Variants in SYT16 observed in about 807,000 individuals in gnomAD.
SYT16 encodes synaptotagmin 16, also known as synaptotagmin-16.
Under a neutral mutation model 61.4 loss-of-function variants are expected in SYT16, and 42 were observed. The ratio of observed to expected loss-of-function variants is 0.68; its 90% CI spans 0.53 to 0.89. The LOEUF (loss-of-function observed/expected upper bound fraction) is 0.89. SYT16 is among the 40% of genes least tolerant of loss of function. The pLI is 0.00. For synonymous variants in SYT16, 314 were observed against 302.3 expected (o/e 1.04, Z -0.40); for missense variants, 804 against 807.3 (o/e 1.00, Z 0.05).
At chr14:62,045,725 A>G (rs2054949246) in intron 3 of SYT16, among the ~76,000 whole-genome samples, 2 of 152,044 alleles carry the variant, frequency 1.3e-5, no homozygotes, top group Admixed American at 6.6e-5. Context: ...TCCTTGCAAT[A>G]GTTTGCTGAG....
At position 61,947,073 on chromosome 14, in the gene SYT16, G is replaced by T. The variant is rs976792264; in HGVS notation, c.-324-23059G>T. ...TTTGGTGAGTTGTTGGAGGTTCTTGGTTGGGAGGAGAGTACTACTGCTGCA... is the reference window on the plus strand; with the variant it reads ...TTTGGTGAGTTGTTGGAGGTTCTTGTTTGGGAGGAGAGTACTACTGCTGCA... On this transcript the variant is annotated intron_variant, in intron 1 of 7. Coordinates refer to ENST00000683842, the MANE Select transcript of SYT16 (RefSeq NM_001367656.1). Among the ~76,000 whole-genome samples the T allele has an allele frequency of 3.9e-5, 6 of 152,174 alleles. No homozygotes were observed. In the East Asian group the frequency reaches 9.7e-4, roughly 25 times the overall value.
intron 3 of SYT16, among the ~76,000 whole-genome samples, chr14:62,062,554 AC>A (rs577003212): frequency 4.6e-5 from 7 of 152,234 alleles, no homozygotes; most frequent in Non-Finnish European, 1.0e-4. Flanking sequence ...AAAAATCAAG[AC>A]TGGGTAATTT....
intron 4 of SYT16, among the ~76,000 whole-genome samples, chr14:62,071,502 GA>G (rs2056299411): frequency 6.6e-6 from 1 of 152,162 alleles, no homozygotes; most frequent in East Asian, 1.9e-4. Context: ...CTACTACATT[GA>G]ATGAAGTACC....
intron 1 of SYT16, chr14:61,832,470 C>T (rs1003939472): frequency 2.6e-6 from 1 of 389,208 alleles, no homozygotes; most frequent in African/African-American, 2.1e-5. Context: ...GAGTTTTGCT[C>T]TTGTTGCCCA....
In SYT16 at chr14:62,107,220, G is replaced by C. The variant is rs931234576; in HGVS notation, c.*6513G>C. 2 of 151,970 alleles carry C rather than the reference G, an allele frequency of 1.3e-5. No individual in the cohort carries two copies. Among genetic ancestry groups the C allele is most frequent in the Admixed American group, 6.6e-5 (1 of 15,224 alleles). 9.4% of individuals were successfully genotyped at this position (151,970 alleles called of 1,614,324 possible). A position where few individuals can be genotyped will look rare whatever the true frequency, so the allele number is the denominator to read the frequency against. On this transcript the variant is annotated 3_prime_UTR_variant, in exon 8 of 8. Coordinates refer to ENST00000683842, the MANE Select transcript of SYT16 (RefSeq NM_001367656.1). ...AGGCCGAGGTGGGAGAACAGCTTGC[G>C]TCCAGGATTTCTAGTCCAGCCTGGG...
intron 1 of SYT16, among the ~76,000 whole-genome samples, chr14:61,943,492 T>G (rs1331430973): frequency 6.6e-6 from 1 of 152,174 alleles, no homozygotes; most frequent in Non-Finnish European, 1.5e-5. Flanking sequence ...AATAAAATAT[T>G]TGCAAATCGA....
At chr14:62,071,670 A>G (rs1368925320) in intron 4 of SYT16, among the ~76,000 whole-genome samples, 2 of 152,222 alleles carry the variant, frequency 1.3e-5, no homozygotes, top group Non-Finnish European at 2.9e-5. Context: ...GTAAAGAATC[A>G]TGAAAAGATT....
At chr14:61,892,994 C>G (rs2048193204) in intron 1 of SYT16, among the ~76,000 whole-genome samples, 1 of 151,972 alleles carries the variant, frequency 6.6e-6, no homozygotes, top group Non-Finnish European at 1.5e-5. Context: ...AGGTGTGGTC[C>G]TGCTGTACTG....
At chr14:61,927,028 A>C (rs1253399585) in intron 1 of SYT16, among the ~76,000 whole-genome samples, 2 of 152,244 alleles carry the variant, frequency 1.3e-5, no homozygotes, top group African/African-American at 2.4e-5. Context: ...TGAAACAGGA[A>C]AATTAAAAAT....
chr14:61,838,860 A>G (rs901678361), intron 1 of SYT16, among the ~76,000 whole-genome samples: 27 of 152,268 alleles, frequency 1.8e-4, no homozygotes, highest in African/African-American at 5.8e-4. Context: ...ATCATGCCCC[A>G]TTGTGTTTGA....
At position 62,095,456 on chromosome 14, in the gene SYT16, A is replaced by G. The variant is rs567288081; in HGVS notation, c.1625-4938A>G. On this transcript the variant is annotated intron_variant, in intron 7 of 7. Transcript: ENST00000683842. Reference sequence around the variant, plus strand: ...TCAGTTGTGTTATAATACATCAGCAACAATCAGAAAGTGGAGCTTTAAAAT... The same window carrying G: ...TCAGTTGTGTTATAATACATCAGCAGCAATCAGAAAGTGGAGCTTTAAAAT... Among the ~76,000 whole-genome samples the G allele has an allele frequency of 5.8e-4, 88 of 152,082 alleles. 1 individual carries two copies. Among genetic ancestry groups the G allele is most frequent in the Middle Eastern group, 3.4e-3 (1 of 294 alleles).
At chr14:61,945,449 A>G (rs535068741) in intron 1 of SYT16, among the ~76,000 whole-genome samples, 2 of 152,348 alleles carry the variant, frequency 1.3e-5, no homozygotes, top group South Asian at 4.1e-4. Context: ...TGTTTATTGC[A>G]GCACTGTTCA....
At chr14:62,065,574 A>G (rs1300566989) in intron 3 of SYT16, among the ~76,000 whole-genome samples, 8 of 152,232 alleles carry the variant, frequency 5.3e-5, no homozygotes. Flanking sequence ...AAAGATATCC[A>G]TGCATTGGCT....
intron 5 of SYT16, among the ~76,000 whole-genome samples, chr14:62,078,172 A>AACACACACACAC (rs144022896): frequency 1.3e-3 from 166 of 128,838 alleles, no homozygotes; most frequent in South Asian, 2.4e-3. Context: ...TATATATATA[A>AACACACACACAC]ACACACACAC....
chr14:62,075,292 C>T lies in SYT16; in HGVS notation c.894C>T (p.Arg298=), dbSNP rs1313573047. 2 of 1,613,748 alleles carry T rather than the reference C, an allele frequency of 1.2e-6. No homozygotes were observed. The highest frequency in any genetic ancestry group is 1.1e-5 in the South Asian group (1 of 91,066). Residue 298 remains arginine, a synonymous_variant, in exon 5 of 8, where the codon CGC becomes CGT. Coordinates refer to ENST00000683842, the MANE Select transcript of SYT16 (RefSeq NM_001367656.1). ...QESSVVQSLR[R]QSTEGSLEME... is the part of the protein sequence containing the mutation. ...CCAGTGTGGTCCAAAGCCTCAGGCG[C>T]CAATCCACAGAGGGCAGCTTGGAGA...
At chr14:61,894,285 C>T (rs1028059089) in intron 1 of SYT16, among the ~76,000 whole-genome samples, 23 of 146,294 alleles carry the variant, frequency 1.6e-4, no homozygotes, top group Admixed American at 1.3e-3. Context: ...AACTCTGTCT[C>T]GAAATTAAAA....
chr14:61,979,751 G>A (rs1413793037), intron 2 of SYT16, among the ~76,000 whole-genome samples: 4 of 151,992 alleles, frequency 2.6e-5, no homozygotes, highest in Non-Finnish European at 4.4e-5. Context: ...ACGTGGTGGC[G>A]TGCATCTGTA....
intron 1 of SYT16, among the ~76,000 whole-genome samples, chr14:61,834,211 A>C (rs2046048326): frequency 6.6e-6 from 1 of 151,380 alleles, no homozygotes; most frequent in African/African-American, 2.4e-5. Flanking sequence ...GCTCACTGTA[A>C]CCTCCACCTC....
chr14:62,025,541 G>GTCTA (rs2054070450), intron 3 of SYT16, among the ~76,000 whole-genome samples: 1 of 152,054 alleles, frequency 6.6e-6, no homozygotes, highest in Admixed American at 6.6e-5. Context: ...CTCTCAGTCT[G>GTCTA]TGGCATGTCT....
Sources: allele counts gnomAD v4.1 joint callset (sites outside exome capture counted in the v4.1 genomes callset), GRCh38; gene constraint gnomAD v4.1.1; transcripts MANE v1.5; gene names NCBI Gene and HGNC (gene_info 2026-07-23, HGNC 2026-07-21).